Variants in GPC5 observed in about 807,000 individuals in gnomAD.
The protein encoded by GPC5 is glypican-5.
In GPC5, 47 loss-of-function variants were observed where a neutral mutation model predicts 53.9. The ratio of observed to expected loss-of-function variants is 0.87; its 90% confidence interval spans 0.69 to 1.11. The LOEUF (loss-of-function observed/expected upper bound fraction) is 1.11, where lower values mean the gene tolerates loss of function less well. Among genes scored for constraint, GPC5 ranks in the 50% most tolerant of loss-of-function variants. The pLI is 0.00. For synonymous variants in GPC5, 286 were observed against 263.3 expected (o/e 1.09, Z -0.84); for missense variants, 748 against 713.1 (o/e 1.05, Z -0.56).
chr13:91,549,321 T>A (rs1406947637), intron 2 of GPC5, among the ~76,000 whole-genome samples: 1 of 147,352 alleles, frequency 6.8e-6, no homozygotes, highest in Non-Finnish European at 1.5e-5. Context: ...CAGGAGAAGA[T>A]CTAGATAACT....
rs538719904 is a variant in GPC5, at chr13:92,048,931, A to G, written c.1402-95899A>G. On this transcript the variant is annotated intron_variant, in intron 6 of 7. Coordinates refer to ENST00000377067, the MANE Select transcript of GPC5 (RefSeq NM_004466.6). ...ACAACAACTCATTGTTAGAATAATC[A>G]TGATTTCAGTTGAAACATGGCTTAT... is the stretch of plus-strand genomic sequence containing the variant. 5.3e-4 allele frequency among the ~76,000 whole-genome samples: 81 copies of G among 152,356 alleles called. 1 individual carries two copies. Among genetic ancestry groups the G allele is most frequent in the African/African-American group, 1.9e-3 (79 of 41,590 alleles).
intron 6 of GPC5, among the ~76,000 whole-genome samples, chr13:92,055,992 A>T (rs1220089430): frequency 6.6e-6 from 1 of 152,164 alleles, no homozygotes; most frequent in Non-Finnish European, 1.5e-5. Context: ...TTATTGATTT[A>T]TGTTAGCTAT....
chr13:92,361,063 G>A (rs761982375), intron 7 of GPC5, among the ~76,000 whole-genome samples: 1 of 151,826 alleles, frequency 6.6e-6, no homozygotes, highest in Non-Finnish European at 1.5e-5. Context: ...AGTTGTAGCA[G>A]ATGGCTGCCA....
intron 6 of GPC5, among the ~76,000 whole-genome samples, chr13:91,971,596 G>T (rs113207114): frequency 2.0e-5 from 3 of 151,744 alleles, no homozygotes; most frequent in Non-Finnish European, 4.4e-5. Context: ...TTCTCTTGTG[G>T]GCATTTAGTG....
chr13:91,447,346 A>G (rs1473836493), intron 1 of GPC5, among the ~76,000 whole-genome samples: 1 of 150,546 alleles, frequency 6.6e-6, no homozygotes, highest in Non-Finnish European at 1.5e-5. Flanking sequence ...TTTTTTTTCA[A>G]ATAATTTTAC....
chr13:92,118,793 T>C (rs1025966844), intron 6 of GPC5, among the ~76,000 whole-genome samples: 2 of 152,150 alleles, frequency 1.3e-5, no homozygotes, highest in African/African-American at 4.8e-5. Context: ...GTAGGAGAAA[T>C]AGGCCTTGGT....
intron 7 of GPC5, among the ~76,000 whole-genome samples, chr13:92,701,722 C>CAA (rs141874212): frequency 0.079 from 12,054 of 152,128 alleles, 601 homozygotes; most frequent in South Asian, 0.16. Flanking sequence ...TCACAAATCA[C>CAA]AAGTTTCTTC....
At chr13:92,844,634 G>C (rs1400132450) in intron 7 of GPC5, among the ~76,000 whole-genome samples, 1 of 151,928 alleles carries the variant, frequency 6.6e-6, no homozygotes, top group Non-Finnish European at 1.5e-5. Flanking sequence ...TTTGGACATA[G>C]GCAGTTCACA....
intron 5 of GPC5, among the ~76,000 whole-genome samples, chr13:91,896,518 A>T (rs1372246178): frequency 1.3e-5 from 2 of 152,188 alleles, no homozygotes; most frequent in African/African-American, 4.8e-5. Flanking sequence ...AACTTTCCAG[A>T]CATGGGGGAC....
At chr13:91,664,945 C>T (rs1049063413) in intron 2 of GPC5, among the ~76,000 whole-genome samples, 7 of 152,160 alleles carry the variant, frequency 4.6e-5, no homozygotes, top group African/African-American at 1.4e-4. Flanking sequence ...TCATATTATG[C>T]ATGTAGTTAA....
intron 7 of GPC5, among the ~76,000 whole-genome samples, chr13:92,807,679 T>C (rs1877146746): frequency 6.6e-6 from 1 of 152,116 alleles, no homozygotes; most frequent in South Asian, 2.1e-4. Flanking sequence ...ATTTTTGATC[T>C]TTAGGTTTTT....
intron 1 of GPC5, among the ~76,000 whole-genome samples, chr13:91,431,664 A>C (rs1259465042): frequency 6.6e-6 from 1 of 152,202 alleles, no homozygotes; most frequent in Non-Finnish European, 1.5e-5. Context: ...GTTCCCCTTC[A>C]GGTCAACAAA....
chr13:91,509,800 C>T (rs1885142045), intron 2 of GPC5, among the ~76,000 whole-genome samples: 1 of 151,968 alleles, frequency 6.6e-6, no homozygotes, highest in Admixed American at 6.5e-5. Context: ...TCTAGTTTAC[C>T]TGGATTTCTG....
Position 92,091,947 on chromosome 13 carries a change from G to A in GPC5, c.1402-52883G>A, listed in dbSNP as rs992545909. 3.9e-5 allele frequency among the ~76,000 whole-genome samples: 6 copies of A among 152,056 alleles called. No individual in the cohort carries two copies. In the South Asian group the frequency reaches 1.0e-3, roughly 26 times the overall value. On this transcript the variant is annotated intron_variant, in intron 6 of 7. Transcript: ENST00000377067. ...CAGATTTGCTTTTTTACTTTCATTT[G>A]TAGTTTATAGTACTCACAATTAAGT...
intron 7 of GPC5, among the ~76,000 whole-genome samples, chr13:92,256,022 G>T (rs771385715): frequency 1.8e-4 from 27 of 151,868 alleles, no homozygotes; most frequent in Non-Finnish European, 3.7e-4. Context: ...TCTAAAGTGG[G>T]TCCAACAACA....
At position 91,899,876 on chromosome 13, in the gene GPC5, T is replaced by A. The variant is rs555006921; in HGVS notation, c.1281-8061T>A. Among the ~76,000 whole-genome samples, 6 of 152,262 alleles carry A rather than the reference T, an allele frequency of 3.9e-5. No individual in the cohort carries two copies. In the East Asian group the frequency reaches 1.2e-3, roughly 29 times the overall value. On this transcript the variant is annotated intron_variant, in intron 5 of 7. Transcript: ENST00000377067. Reference sequence around the variant, plus strand: ...ACATCTTGATTTCAGAGGTCCAGGCTTCAGAACTGTGAGAGAATATATTTC... The same window carrying A: ...ACATCTTGATTTCAGAGGTCCAGGCATCAGAACTGTGAGAGAATATATTTC...
chr13:91,463,353 C>G (rs1882050321), intron 2 of GPC5, among the ~76,000 whole-genome samples: 1 of 151,954 alleles, frequency 6.6e-6, no homozygotes, highest in South Asian at 2.1e-4. Flanking sequence ...TCCATGGGTG[C>G]ACAACCCATA....
intron 3 of GPC5, among the ~76,000 whole-genome samples, chr13:91,714,716 A>G (rs530317945): frequency 6.6e-6 from 1 of 152,246 alleles, no homozygotes; most frequent in South Asian, 2.1e-4. Context: ...GAGTTAGAGA[A>G]GCAAGCAAAA....
chr13:91,927,907 A>T (rs917025429), intron 6 of GPC5, among the ~76,000 whole-genome samples: 6 of 152,194 alleles, frequency 3.9e-5, no homozygotes, highest in Non-Finnish European at 8.8e-5. Context: ...CTTTAAAAAG[A>T]TTCTTCAAAG....
Sources: allele counts gnomAD v4.1 joint callset (sites outside exome capture counted in the v4.1 genomes callset), GRCh38; gene constraint gnomAD v4.1.1; transcripts MANE v1.5; gene names NCBI Gene and HGNC (gene_info 2026-07-23, HGNC 2026-07-21).